Variants in PDE4D observed in about 807,000 individuals in gnomAD.
PDE4D encodes 3',5'-cyclic-AMP phosphodiesterase 4D.
PDE4D carries 24 observed loss-of-function variants against 87.4 expected under a neutral mutation model. The ratio of observed to expected loss-of-function variants is 0.27; its 90% confidence interval spans 0.20 to 0.39. The LOEUF (loss-of-function observed/expected upper bound fraction) is 0.39, where lower values mean the gene tolerates loss of function less well. Among genes scored for constraint, PDE4D ranks in the 10% least tolerant of loss-of-function variants. The pLI, the probability that PDE4D is intolerant of heterozygous loss-of-function variation, is 1.00. For missense variants in PDE4D, 714 were observed against 1,041.0 expected, an observed-to-expected ratio of 0.69 and a Z score of 4.32; for synonymous variants, 384 against 383.2, an observed-to-expected ratio of 1.00 and a Z score of -0.02.
intron 2 of PDE4D, among the ~76,000 whole-genome samples, chr5:59,208,922 C>T (rs1408845480): frequency 6.6e-6 from 1 of 152,084 alleles, no homozygotes; most frequent in South Asian, 2.1e-4. Flanking sequence ...TTAATGCCTG[C>T]ATCAACACTC....
At chr5:59,187,613 G>A (rs952333679) in intron 3 of PDE4D, among the ~76,000 whole-genome samples, 3 of 152,108 alleles carry the variant, frequency 2.0e-5, no homozygotes, top group Admixed American at 6.5e-5. Flanking sequence ...TCTGTCTTCC[G>A]GTCTCTCCTT....
At chr5:59,535,295 T>C (rs1014690347) in intron 1 of PDE4D, among the ~76,000 whole-genome samples, 10 of 152,198 alleles carry the variant, frequency 6.6e-5, no homozygotes, top group African/African-American at 2.2e-4. Context: ...CCAGAAAGTC[T>C]GATGTCATTT....
At chr5:60,472,102 A>T (rs140097393) in intron 1 of PDE4D, among the ~76,000 whole-genome samples, 143 of 152,334 alleles carry the variant, frequency 9.4e-4, no homozygotes, top group Non-Finnish European at 1.1e-3. Flanking sequence ...ATTCAGTAAT[A>T]TGGGAAAATA....
At chr5:59,978,685 A>G (rs965086088) in intron 3 of PDE4D, among the ~76,000 whole-genome samples, 26 of 152,202 alleles carry the variant, frequency 1.7e-4, no homozygotes, top group African/African-American at 6.0e-4. Context: ...AAGTTCTACT[A>G]TGGGTAAAAT....
At chr5:59,241,369 A>G (rs1342480023) in intron 1 of PDE4D, among the ~76,000 whole-genome samples, 1 of 152,218 alleles carries the variant, frequency 6.6e-6, no homozygotes, top group Non-Finnish European at 1.5e-5. Context: ...CATGGCTGAG[A>G]ACTTGGCAGT....
chr5:59,975,182 C>T (rs535478447), intron 3 of PDE4D, among the ~76,000 whole-genome samples: 11 of 152,140 alleles, frequency 7.2e-5, no homozygotes, highest in Non-Finnish European at 1.3e-4. Context: ...GAAAACTGCC[C>T]ACCTTTTTGT....
At chr5:59,637,606 T>C (rs1210676534) in intron 1 of PDE4D, among the ~76,000 whole-genome samples, 1 of 151,434 alleles carries the variant, frequency 6.6e-6, no homozygotes, top group Non-Finnish European at 1.5e-5. Flanking sequence ...TTGCAGGGAC[T>C]TGGATGAAGC....
intron 1 of PDE4D, among the ~76,000 whole-genome samples, chr5:60,419,171 C>T (rs1052819461): frequency 7.2e-5 from 11 of 151,886 alleles, no homozygotes; most frequent in Non-Finnish European, 1.6e-4. Context: ...TGGCATATAC[C>T]AAATGGTTTA....
At chr5:60,071,741 G>T (rs573591218) in intron 2 of PDE4D, among the ~76,000 whole-genome samples, 4 of 152,108 alleles carry the variant, frequency 2.6e-5, no homozygotes, top group African/African-American at 9.6e-5. Context: ...TCATCATTTA[G>T]CTCCCACTTA....
intron 1 of PDE4D, among the ~76,000 whole-genome samples, chr5:60,251,041 A>G (rs1748382075): frequency 6.6e-6 from 1 of 151,972 alleles, no homozygotes; most frequent in African/African-American, 2.4e-5. Context: ...AAAAGAGATA[A>G]CTAGACATTT....
At chr5:59,651,891 T>C (rs1743563070) in intron 1 of PDE4D, among the ~76,000 whole-genome samples, 1 of 152,188 alleles carries the variant, frequency 6.6e-6, no homozygotes, top group Non-Finnish European at 1.5e-5. Context: ...TTTTCCTAGA[T>C]TCTACAAGTG....
At chr5:60,360,132 C>T (rs1273421104) in intron 1 of PDE4D, among the ~76,000 whole-genome samples, 2 of 152,184 alleles carry the variant, frequency 1.3e-5, no homozygotes, top group Non-Finnish European at 2.9e-5. Context: ...AAGGTCTCCT[C>T]TATCTGTGAC....
At chr5:60,043,579 C>T (rs1768781549) in intron 2 of PDE4D, among the ~76,000 whole-genome samples, 1 of 151,598 alleles carries the variant, frequency 6.6e-6, no homozygotes, top group Non-Finnish European at 1.5e-5. Context: ...GGAAGCACAT[C>T]AGACTAACAG....
intron 5 of PDE4D, among the ~76,000 whole-genome samples, chr5:59,115,148 T>C (rs1186682234): frequency 1.3e-5 from 2 of 152,044 alleles, no homozygotes; most frequent in African/African-American, 4.8e-5. Flanking sequence ...TAGTCTTACT[T>C]TTAAGTGCAC....
intron 1 of PDE4D, among the ~76,000 whole-genome samples, chr5:59,559,994 A>G (rs1819686468): frequency 6.6e-6 from 1 of 152,196 alleles, no homozygotes; most frequent in South Asian, 2.1e-4. Flanking sequence ...TAATAGATTC[A>G]AGTTGAAAGG....
intron 3 of PDE4D, among the ~76,000 whole-genome samples, chr5:59,964,045 A>T (rs1759747248): frequency 6.6e-6 from 1 of 152,176 alleles, no homozygotes; most frequent in South Asian, 2.1e-4. Context: ...GGCTACTCAC[A>T]GAGTCTGTGT....
chr5:60,284,026 T>C (rs535935701), intron 1 of PDE4D, among the ~76,000 whole-genome samples: 17 of 152,222 alleles, frequency 1.1e-4, no homozygotes, highest in Admixed American at 3.9e-4. Context: ...GGTAGCACAG[T>C]GAACGGAAAG....
intron 3 of PDE4D, among the ~76,000 whole-genome samples, chr5:59,933,071 A>G (rs1442403009): frequency 6.6e-6 from 1 of 152,190 alleles, no homozygotes; most frequent in Non-Finnish European, 1.5e-5. Context: ...GCTTTGAAAT[A>G]GGATTCAGAA....
chr5:60,445,558 G>A (rs371835616), intron 1 of PDE4D, among the ~76,000 whole-genome samples: 5 of 152,110 alleles, frequency 3.3e-5, no homozygotes, highest in African/African-American at 1.2e-4. Context: ...ATCTTGGGAT[G>A]ATGAAGTCAT....
Sources: allele counts gnomAD v4.1 joint callset (sites outside exome capture counted in the v4.1 genomes callset), GRCh38; gene constraint gnomAD v4.1.1; transcripts MANE v1.5; gene names NCBI Gene and HGNC (gene_info 2026-07-23, HGNC 2026-07-21).